Variants in FBXO22 observed in about 807,000 individuals in gnomAD.
The protein encoded by FBXO22 is F-box protein 22.
A neutral mutation model predicts 37.2 loss-of-function variants in FBXO22; 13 were observed. The observed-to-expected ratio is 0.35, with a 90% CI of 0.23 to 0.56. FBXO22 has a LOEUF of 0.56. FBXO22 is among the 20% of genes least tolerant of loss of function. The pLI is 0.87. For synonymous variants in FBXO22, 189 were observed against 189.1 expected (o/e 1.00, Z 0.00); for missense variants, 446 against 509.9 (o/e 0.87, Z 1.21).
At chr15:75,915,112 C>T (rs1190253526) in intron 4 of FBXO22, among the ~76,000 whole-genome samples, 5 of 152,128 alleles carry the variant, frequency 3.3e-5, no homozygotes, top group African/African-American at 1.2e-4. Flanking sequence ...GGATCACAGG[C>T]GCCCGCCACC....
Position 75,932,836 on chromosome 15 carries a change from G to A in FBXO22, c.946G>A (p.Glu316Lys). ...MQRLKAANIP[E>K]HNTIGFMFAC... is the part of the protein sequence containing the mutation. ...GCGCCTCAAAGCGGCCAACATTCCA[G>A]AGCATAACACCATTGGCTTCATGTT... Residue 316 changes from glutamate to lysine, a missense_variant, in exon 7 of 7, where the codon GAG (glutamate) becomes AAG (lysine). Coordinates refer to ENST00000308275, the MANE Select transcript of FBXO22 (RefSeq NM_147188.3). The A allele has an allele frequency of 6.2e-7, 1 of 1,614,256 alleles. No individual in the cohort carries two copies. Among genetic ancestry groups the A allele is most frequent in the Non-Finnish European group, 8.5e-7 (1 of 1,180,050 alleles).
intron 2 of FBXO22, among the ~76,000 whole-genome samples, chr15:75,910,010 T>C (rs1314985842): frequency 6.6e-6 from 1 of 152,190 alleles, no homozygotes; most frequent in Non-Finnish European, 1.5e-5. Context: ...AATGAGAACA[T>C]GCAGCATTTG....
Position 75,935,760 on chromosome 15 carries a change from A to T in FBXO22, c.*2658A>T, listed in dbSNP as rs528497045. On this transcript the variant is annotated 3_prime_UTR_variant, in exon 7 of 7. Transcript: ENST00000308275. The stretch of plus-strand genomic sequence containing the variant: ...TAACAAAGTGAACATGCAAAGAATT[A>T]CAATAGAAATAAACTTTTACAAATC... The T allele has an allele frequency of 6.6e-6, 1 of 152,196 alleles. No homozygotes were observed. Among genetic ancestry groups the T allele is most frequent in the South Asian group, 2.1e-4 (1 of 4,812 alleles). The allele number at this position is 152,196 out of a possible 1,614,324, so 9.4% of individuals were successfully genotyped here.
In FBXO22 at chr15:75,934,974, T is replaced by A. The variant is rs532698150; in HGVS notation, c.*1872T>A. On this transcript the variant is annotated 3_prime_UTR_variant, in exon 7 of 7. Coordinates refer to ENST00000308275, the MANE Select transcript of FBXO22 (RefSeq NM_147188.3). Reference sequence around the variant, plus strand: ...CAGGGTAATTTCATACAATATTTGATGTTGTTAAAGCATTCCTTTTTATAG... The same window carrying A: ...CAGGGTAATTTCATACAATATTTGAAGTTGTTAAAGCATTCCTTTTTATAG... 1 of 152,364 alleles carries A rather than the reference T, an allele frequency of 6.6e-6. No individual in the cohort carries two copies. The highest frequency in any genetic ancestry group is 1.9e-4 in the East Asian group (1 of 5,194). The allele number at this position is 152,364 out of a possible 1,614,324, so 9.4% of individuals were successfully genotyped here.
chr15:75,919,820 C>T (rs1349544635), intron 5 of FBXO22, among the ~76,000 whole-genome samples: 4 of 152,154 alleles, frequency 2.6e-5, no homozygotes, highest in Non-Finnish European at 5.9e-5. Context: ...ATACATGTGT[C>T]TGGGCTTGAA....
rs1170228905 is a variant in FBXO22, at chr15:75,904,117, G to A, written c.140+14G>A. 3.9e-6 allele frequency: 6 copies of A among 1,532,044 alleles called. No individual in the cohort carries two copies. Among genetic ancestry groups the A allele is most frequent in the Non-Finnish European group, 4.4e-6 (5 of 1,135,760 alleles). The allele number at this position is 1,532,044 out of a possible 1,614,324, so 94.9% of individuals were successfully genotyped here. On this transcript the variant is annotated intron_variant, in intron 1 of 6. Transcript: ENST00000308275. ...GCGGGTGGCCTGGTGAGGAGAGGAG[G>A]CGGAGGCGGGAAGCTTGCCTGGGGA...
chr15:75,918,199 G>A (rs756550347), intron 5 of FBXO22, among the ~76,000 whole-genome samples: 13 of 152,028 alleles, frequency 8.6e-5, no homozygotes, highest in Non-Finnish European at 1.9e-4. Flanking sequence ...ATTTGAAATG[G>A]GACTTAAACC....
rs554484538 is a variant in FBXO22 at position 75,938,913 on chromosome 15, AAG to A, written c.*5815_*5816del. 9.9e-5 allele frequency: 15 copies of A among 152,200 alleles called. No individual in the cohort carries two copies. The highest frequency in any genetic ancestry group is 1.9e-4 in the East Asian group (1 of 5,206). The allele number at this position is 152,200 out of a possible 1,614,324, so 9.4% of individuals were successfully genotyped here. On this transcript the variant is annotated 3_prime_UTR_variant, in exon 7 of 7. Coordinates refer to ENST00000308275, the MANE Select transcript of FBXO22 (RefSeq NM_147188.3). ...AGAAGAAATCACAAGGGAAATTAAA[AAG>A]AGAAAAATGCAACATACCAAAATTT... is the stretch of plus-strand genomic sequence containing the variant.
intron 2 of FBXO22, among the ~76,000 whole-genome samples, chr15:75,911,502 A>C (rs187752275): frequency 1.5e-4 from 23 of 152,182 alleles, no homozygotes; most frequent in Non-Finnish European, 2.6e-4. Context: ...TTGTATTCTT[A>C]GGTATTTTAT....
intron 1 of FBXO22, 154 bp from the exon 2 acceptor site, chr15:75,904,337 C>T (rs962923943): frequency 1.6e-6 from 2 of 1,226,096 alleles, no homozygotes; most frequent in African/African-American, 1.5e-5. Context: ...GGCTCTTCTT[C>T]CGAACTAGCG....
intron 2 of FBXO22, among the ~76,000 whole-genome samples, chr15:75,905,123 T>C (rs1159227859): frequency 6.6e-6 from 1 of 152,164 alleles, no homozygotes; most frequent in Non-Finnish European, 1.5e-5. Flanking sequence ...GCGCCCGGCA[T>C]GTTGGGCCTT....
At chr15:75,919,135 AT>A (rs140491531) in intron 5 of FBXO22, among the ~76,000 whole-genome samples, 2 of 151,578 alleles carry the variant, frequency 1.3e-5, no homozygotes, top group Admixed American at 6.6e-5. Flanking sequence ...TGCCTGGCTA[AT>A]TTTTTTTGTC....
In FBXO22 at chr15:75,934,899, CAAATT is replaced by C. The variant is rs1375778995; in HGVS notation, c.*1800_*1804del. 9.9e-5 allele frequency: 15 copies of C among 152,062 alleles called. No individual in the cohort carries two copies. The highest frequency in any genetic ancestry group is 3.6e-4 in the African/African-American group (15 of 41,412). 9.4% of individuals were successfully genotyped at this position (152,062 alleles called of 1,614,324 possible). On this transcript the variant is annotated 3_prime_UTR_variant, in exon 7 of 7. Coordinates refer to ENST00000308275, the MANE Select transcript of FBXO22 (RefSeq NM_147188.3). Reference sequence around the variant, plus strand: ...TTAGAATTGAATGGATTATTTTAAACAAATTAATACTCATATAAAATGTTTTGCTG... The same window carrying C: ...TTAGAATTGAATGGATTATTTTAAACAATACTCATATAAAATGTTTTGCTG...
chr15:75,938,226 T>C lies in FBXO22; in HGVS notation c.*5124T>C, dbSNP rs2030570933. The C allele has an allele frequency of 6.6e-6, 1 of 152,198 alleles. No individual in the cohort carries two copies. The highest frequency in any genetic ancestry group is 6.5e-5 in the Admixed American group (1 of 15,282). The allele number at this position is 152,198 out of a possible 1,614,324, so 9.4% of individuals were successfully genotyped here. On this transcript the variant is annotated 3_prime_UTR_variant, in exon 7 of 7. Transcript: ENST00000308275. ...CTTCAGTGATCACACACAGAAGGAATAGTCTTTTATAAAAATAATTTGGAA... is the reference window on the plus strand; with the variant it reads ...CTTCAGTGATCACACACAGAAGGAACAGTCTTTTATAAAAATAATTTGGAA...
chr15:75,914,605 C>T (rs1479483270), intron 4 of FBXO22, among the ~76,000 whole-genome samples: 1 of 152,144 alleles, frequency 6.6e-6, no homozygotes, highest in Admixed American at 6.5e-5. Context: ...TGCTTTGGTA[C>T]CACTCTTCAA....
Position 75,932,822 on chromosome 15 carries a change from C to T in FBXO22, c.932C>T (p.Ala311Val), listed in dbSNP as rs769486004. The change falls in exon 7 of 7, where the codon GCG becomes GTG. Residue 311 changes from alanine (A) to valine (V), a missense_variant. Ala to Val is a moderately conservative substitution (Grantham distance 64, BLOSUM62 0). This residue lies in a region of FBXO22 where 315 missense variants were observed against 410.1 expected (regional missense o/e 0.77). Transcript: ENST00000308275. ...TAEAAMQRLK[A>V]ANIPEHNTIG... is the part of the protein sequence containing the mutation. ...GAGGCTGCGATGCAGCGCCTCAAAGCGGCCAACATTCCAGAGCATAACACC... is the reference window on the plus strand; with the variant it reads ...GAGGCTGCGATGCAGCGCCTCAAAGTGGCCAACATTCCAGAGCATAACACC... 29 of 1,614,134 alleles carry T rather than the reference C, an allele frequency of 1.8e-5. No homozygotes were observed. Among genetic ancestry groups the T allele is most frequent in the South Asian group, 1.4e-4 (13 of 91,094 alleles).
At chr15:75,917,126 C>T (rs1403120066) in intron 4 of FBXO22, 104 bp from the exon 5 acceptor site, 2 of 817,720 alleles carry the variant, frequency 2.4e-6, no homozygotes, top group Non-Finnish European at 3.9e-6. Context: ...AAAACTTTTA[C>T]TCAGATAGTG....
chr15:75,918,959 T>C (rs537906637), intron 5 of FBXO22, among the ~76,000 whole-genome samples: 51 of 152,238 alleles, frequency 3.4e-4, no homozygotes, highest in Non-Finnish European at 6.2e-4. Flanking sequence ...CATATATTCT[T>C]TTTTTTGTTT....
chr15:75,922,702 G>C (rs145961451), intron 5 of FBXO22, among the ~76,000 whole-genome samples: 1 of 152,326 alleles, frequency 6.6e-6, no homozygotes, highest in Non-Finnish European at 1.5e-5. Context: ...TCGAGCAGAG[G>C]TGAATGTGGC....
Sources: gnomAD v4.1 joint callset for allele counts (sites outside exome capture counted in the v4.1 genomes callset) on GRCh38, gnomAD v4.1.1 for gene constraint, gnomAD v4.1.1 regional missense constraint, MANE v1.5 for transcripts, NCBI Gene and HGNC (gene_info 2026-07-23, HGNC 2026-07-21) for gene names.